The following GTF2I variants were observed in gnomAD, a reference collection of about 807,000 sequenced individuals.
The protein encoded by GTF2I is general transcription factor II-I.
GTF2I carries 12 observed loss-of-function variants against 67.6 expected under a neutral mutation model. That is an observed-to-expected ratio of 0.18 (90% CI 0.11 to 0.29). The LOEUF is 0.29. GTF2I is among the 10% of genes least tolerant of loss of function. The pLI is 1.00. For missense variants in GTF2I, 271 were observed against 580.1 expected (o/e 0.47, Z 5.47); for synonymous variants, 149 against 197.0 (o/e 0.76, Z 2.04).
intron 1 of GTF2I, among the ~76,000 whole-genome samples, chr7:74,673,522 C>G (rs1333354947): frequency 2.0e-5 from 3 of 151,848 alleles, no homozygotes; most frequent in Non-Finnish European, 4.4e-5. Context: ...GCTGGAATTA[C>G]AGGCATGCGC....
At chr7:74,734,494 T>C (rs1429794220) in intron 16 of GTF2I, among the ~76,000 whole-genome samples, 1 of 152,014 alleles carries the variant, frequency 6.6e-6, no homozygotes, top group East Asian at 1.9e-4. Context: ...CGATCTCCGC[T>C]CACTGCAACC....
At chr7:74,743,771 CT>C in intron 20 of GTF2I, 1 of 280,826 alleles carries the variant, frequency 3.6e-6, no homozygotes, top group Non-Finnish European at 7.2e-6. Flanking sequence ...GTAGTCCCAG[CT>C]ACTCGGGAGG....
At chr7:74,729,745 T>C (rs1393545039) in intron 13 of GTF2I, among the ~76,000 whole-genome samples, 2 of 146,250 alleles carry the variant, frequency 1.4e-5, no homozygotes, top group Non-Finnish European at 1.5e-5. Flanking sequence ...CCCAAAGTGC[T>C]GGGATTACAG....
In GTF2I at chr7:74,733,926, T is replaced by C. The variant is rs782143965; in HGVS notation, c.1308T>C (p.His436=). 6 of 1,611,578 alleles carry C rather than the reference T, an allele frequency of 3.7e-6. No homozygotes were observed. In the South Asian group the frequency reaches 4.4e-5, roughly 12 times the overall value. Residue 436 remains histidine (H), a synonymous_variant, in exon 16 of 35, where the codon CAT becomes CAC. Transcript: ENST00000573035. ...KERIRFVIKK[H]ELLNSTREDL... is the part of the protein sequence containing the mutation. The stretch of plus-strand genomic sequence containing the variant: ...AGTATTTATTCTCACCTTTCAGACA[T>C]GAGCTTCTGAATTCAACACGTGAAG...
intron 1 of GTF2I, among the ~76,000 whole-genome samples, chr7:74,662,511 C>CCTTTTTTTTTTTT (rs1804602513): frequency 2.0e-5 from 1 of 50,200 alleles, no homozygotes; most frequent in Admixed American, 3.4e-4. Context: ...CACCTGGACC[C>CCTTTTTTTTTTTT]TTTTTTTTTT....
chr7:74,703,012 C>T (rs1035253299), intron 6 of GTF2I, among the ~76,000 whole-genome samples: 8 of 152,058 alleles, frequency 5.3e-5, no homozygotes, highest in Non-Finnish European at 7.4e-5. Flanking sequence ...GCTGGGATTA[C>T]AGGCTTGTGT....
chr7:74,664,454 G>A (rs1804794258), intron 1 of GTF2I, among the ~76,000 whole-genome samples: 1 of 152,008 alleles, frequency 6.6e-6, no homozygotes, highest in Non-Finnish European at 1.5e-5. Flanking sequence ...GTTTTTTTGA[G>A]AAGGAGTCTC....
At chr7:74,668,889 A>T (rs1355219831) in intron 1 of GTF2I, among the ~76,000 whole-genome samples, 1 of 151,888 alleles carries the variant, frequency 6.6e-6, no homozygotes, top group Admixed American at 6.6e-5. Flanking sequence ...GATCGTTTAA[A>T]TTTTTAAAAA....
intron 1 of GTF2I, among the ~76,000 whole-genome samples, chr7:74,682,923 GAATA>G (rs1432019218): frequency 6.6e-6 from 1 of 152,032 alleles, no homozygotes; most frequent in Non-Finnish European, 1.5e-5. Context: ...TTTAACAACA[GAATA>G]AAAAGATGAA....
intron 3 of GTF2I, among the ~76,000 whole-genome samples, chr7:74,695,334 G>C (rs183868802): frequency 1.2e-4 from 18 of 152,314 alleles, no homozygotes; most frequent in African/African-American, 4.1e-4. Context: ...TACCGTGGGT[G>C]AAATGCTACC....
chr7:74,708,041 T>C (rs1213998802), intron 8 of GTF2I, among the ~76,000 whole-genome samples: 1 of 152,164 alleles, frequency 6.6e-6, no homozygotes, highest in African/African-American at 2.4e-5. Context: ...GGCTCACACC[T>C]GTAATCCCAG....
chr7:74,663,978 C>A lies in GTF2I; in HGVS notation c.-6+5910C>A, dbSNP rs138868648. ...CTAAGTAGCTGGGACTATAGGCACC[C>A]GCCACCATGCCCGGCTAATTTTGTA... On this transcript the variant is annotated intron_variant, in intron 1 of 34. Transcript: ENST00000573035. 1.0e-3 allele frequency among the ~76,000 whole-genome samples: 158 copies of A among 151,614 alleles called. 2 individuals are homozygous for A. The highest frequency in any genetic ancestry group is 0.01 in the Middle Eastern group (3 of 294).
chr7:74,712,402 T>C (rs1256990290), intron 9 of GTF2I, among the ~76,000 whole-genome samples: 1 of 152,050 alleles, frequency 6.6e-6, no homozygotes, highest in African/African-American at 2.4e-5. Context: ...CTTTTCTCTC[T>C]ATTCTTAAGT....
chr7:74,707,243 C>T (rs781799591), intron 8 of GTF2I, among the ~76,000 whole-genome samples: 43 of 152,236 alleles, frequency 2.8e-4, no homozygotes, highest in Non-Finnish European at 5.0e-4. Context: ...TATCCTGTGT[C>T]CTAGTGCCAC....
Position 74,711,122 on chromosome 7 carries a change from A to C in GTF2I, c.763+13A>C, listed in dbSNP as rs782211239. 8.7e-7 allele frequency: 1 copy of C among 1,153,404 alleles called. No homozygotes were observed. The highest frequency in any genetic ancestry group is 2.5e-5 in the Admixed American group (1 of 40,298). 71.4% of individuals were successfully genotyped at this position (1,153,404 alleles called of 1,614,324 possible). On this transcript the variant is annotated intron_variant, in intron 9 of 34. Transcript: ENST00000573035. ...TATAACATTCAAGGTAATTTGAATT[A>C]ATGCAATTTTTCTTTCTAAAAATTA...
chr7:74,725,845 C>CTT (rs782493121), intron 12 of GTF2I, among the ~76,000 whole-genome samples: 1 of 139,932 alleles, frequency 7.1e-6, no homozygotes, highest in Admixed American at 7.1e-5. Context: ...TTTTCTCTTT[C>CTT]TTTTTTTTTT....
chr7:74,668,426 A>G (rs1805179378), intron 1 of GTF2I, among the ~76,000 whole-genome samples: 3 of 151,812 alleles, frequency 2.0e-5, no homozygotes, highest in Admixed American at 1.3e-4. Flanking sequence ...AGTTTGATCC[A>G]TAATATAACT....
intron 12 of GTF2I, among the ~76,000 whole-genome samples, chr7:74,722,243 T>C (rs1793110165): frequency 6.6e-6 from 1 of 152,166 alleles, no homozygotes; most frequent in Admixed American, 6.5e-5. Flanking sequence ...CACTTCCATT[T>C]GTGGCGTTTT....
intron 3 of GTF2I, among the ~76,000 whole-genome samples, 182 bp downstream of exon 3, chr7:74,691,293 G>T (rs188010995): frequency 2.0e-5 from 3 of 148,872 alleles, no homozygotes; most frequent in African/African-American, 7.4e-5. Context: ...CACAACCCCC[G>T]CTGCGTGAGT....
Sources: gnomAD v4.1 joint callset for allele counts (sites outside exome capture counted in the v4.1 genomes callset) on GRCh38, gnomAD v4.1.1 for gene constraint, MANE v1.5 for transcripts, NCBI Gene and HGNC (gene_info 2026-07-23, HGNC 2026-07-21) for gene names.